FRS2: variants seen among roughly 807,000 people sequenced by gnomAD.
FRS2 encodes fibroblast growth factor receptor substrate 2.
Under a neutral mutation model 43.9 loss-of-function variants are expected in FRS2, and 8 were observed. That is an observed-to-expected ratio of 0.18 (90% CI 0.11 to 0.33). The LOEUF (loss-of-function observed/expected upper bound fraction) is 0.33, where lower values mean the gene tolerates loss of function less well. Among genes scored for constraint, FRS2 ranks in the 10% least tolerant of loss-of-function variants. FRS2 has a pLI of 1.00. For missense variants in FRS2, 534 were observed against 627.6 expected (o/e 0.85, Z 1.59); for synonymous variants, 219 against 220.3 (o/e 0.99, Z 0.05).
In FRS2 at chr12:69,470,650, A is replaced by G. The variant is rs940942352; in HGVS notation, c.-261+120A>G. On this transcript the variant is annotated intron_variant, in intron 1 of 8. Coordinates refer to ENST00000549921, the MANE Select transcript of FRS2 (RefSeq NM_001278356.2). ...GGGCTCGGCTGCCGGCGTCCGGGGAAGGGGATTGTCGACCGCCGCGGACTT... is the reference window on the plus strand; with the variant it reads ...GGGCTCGGCTGCCGGCGTCCGGGGAGGGGGATTGTCGACCGCCGCGGACTT... 1.8e-4 allele frequency: 29 copies of G among 164,668 alleles called. 1 individual carries two copies. Among genetic ancestry groups the G allele is most frequent in the Middle Eastern group, 4.8e-3 (2 of 418 alleles). 10.2% of individuals were successfully genotyped at this position (164,668 alleles called of 1,614,324 possible).
chr12:69,471,503 A>C (rs1362725599), intron 1 of FRS2, among the ~76,000 whole-genome samples: 1 of 152,240 alleles, frequency 6.6e-6, no homozygotes, highest in Non-Finnish European at 1.5e-5. Flanking sequence ...TTGTTGCTGC[A>C]ATGCAGAGTT....
intron 4 of FRS2, among the ~76,000 whole-genome samples, chr12:69,564,243 CTT>C (rs1235568923): frequency 3.5e-5 from 5 of 142,824 alleles, no homozygotes; most frequent in Admixed American, 7.1e-5. Context: ...CTATTCTGAT[CTT>C]TTTTTTTTTT....
chr12:69,478,178 G>A (rs1294810370), intron 1 of FRS2, among the ~76,000 whole-genome samples: 1 of 152,002 alleles, frequency 6.6e-6, no homozygotes, highest in African/African-American at 2.4e-5. Context: ...TAGTTTCATA[G>A]AAATAAAATG....
intron 1 of FRS2, among the ~76,000 whole-genome samples, chr12:69,490,753 G>A (rs1872405525): frequency 6.6e-6 from 1 of 152,102 alleles, no homozygotes; most frequent in African/African-American, 2.4e-5. Flanking sequence ...TTTGGTTGAT[G>A]CAAAGTTGCC....
In FRS2 at chr12:69,574,603, A is replaced by G. The variant is rs1881050632; in HGVS notation, c.1175A>G (p.Tyr392Cys). The change falls in exon 9 of 9, where the codon TAT (tyrosine) becomes TGT (cysteine). Residue 392 changes from tyrosine (Y) to cysteine (C), a missense_variant. Transcript: ENST00000549921. Reference protein sequence around the residue: ...YHNNLDPMHNYVNTENVTVPA... With the variant: ...YHNNLDPMHNCVNTENVTVPA... The stretch of plus-strand genomic sequence containing the variant: ...AATAATCTAGATCCAATGCATAACT[A>G]TGTAAATACAGAGAATGTAACAGTG... 5 of 1,613,942 alleles carry G rather than the reference A, an allele frequency of 3.1e-6. No homozygotes were observed. The highest frequency in any genetic ancestry group is 1.3e-5 in the African/African-American group (1 of 74,930).
intron 2 of FRS2, among the ~76,000 whole-genome samples, chr12:69,531,525 A>T (rs1876791053): frequency 6.6e-6 from 1 of 152,186 alleles, no homozygotes; most frequent in African/African-American, 2.4e-5. Context: ...GATTAAAAGT[A>T]TACCCTTCAG....
intron 1 of FRS2, among the ~76,000 whole-genome samples, chr12:69,520,927 A>C (rs1235702500): frequency 6.6e-6 from 1 of 152,088 alleles, no homozygotes; most frequent in Non-Finnish European, 1.5e-5. Flanking sequence ...GTTCCGTATA[A>C]ATTAAAAAAT....
intron 1 of FRS2, among the ~76,000 whole-genome samples, chr12:69,499,078 C>G (rs221107): frequency 0.093 from 14,203 of 152,100 alleles, 875 homozygotes; most frequent in Non-Finnish European, 0.14. Flanking sequence ...CCATGAAAAT[C>G]TATTATATTG....
intron 1 of FRS2, among the ~76,000 whole-genome samples, chr12:69,484,095 C>CTTTTTTTTTTTTTTTTTTT (rs368221087): frequency 6.7e-6 from 1 of 149,264 alleles, no homozygotes; most frequent in Non-Finnish European, 1.5e-5. Context: ...GCTTTTCTTT[C>CTTTTTTTTTTTTTTTTTTT]TTTTTTTTTG....
intron 3 of FRS2, among the ~76,000 whole-genome samples, chr12:69,557,619 T>TGTGTGTGTGTGTGTGCGCGCGCGCGC (rs1555192498): frequency 8.4e-6 from 1 of 118,966 alleles, no homozygotes; most frequent in Non-Finnish European, 1.9e-5. Context: ...TGTGTGTGTG[T>TGTGTGTGTGTGTGTGCGCGCGCGCGC]GCGCGCGCGC....
intron 1 of FRS2, among the ~76,000 whole-genome samples, chr12:69,516,221 A>T (rs1336126372): frequency 1.3e-4 from 18 of 143,074 alleles, no homozygotes; most frequent in African/African-American, 4.6e-4. Flanking sequence ...TATTATTACT[A>T]TTTTTTTTTT....
At chr12:69,557,619 T>TGTGCGTGC (rs1555192498) in intron 3 of FRS2, among the ~76,000 whole-genome samples, 1 of 118,966 alleles carries the variant, frequency 8.4e-6, no homozygotes, top group Non-Finnish European at 1.9e-5. Context: ...TGTGTGTGTG[T>TGTGCGTGC]GCGCGCGCGC....
chr12:69,530,130 GA>G (rs1402266444), intron 1 of FRS2, among the ~76,000 whole-genome samples: 8 of 152,060 alleles, frequency 5.3e-5, no homozygotes, highest in African/African-American at 1.9e-4. Flanking sequence ...GTTATAGGGG[GA>G]AAGTTGACAA....
chr12:69,470,404 G>A lies in FRS2; in HGVS notation c.-387G>A. 2.5e-6 allele frequency: 1 copy of A among 398,718 alleles called. No individual in the cohort carries two copies. The highest frequency in any genetic ancestry group is 4.4e-6 in the Non-Finnish European group (1 of 226,218). The allele number at this position is 398,718 out of a possible 1,614,324, so 24.7% of individuals were successfully genotyped here. On this transcript the variant is annotated 5_prime_UTR_variant, in exon 1 of 9. Coordinates refer to ENST00000549921, the MANE Select transcript of FRS2 (RefSeq NM_001278356.2). ...GTGCTTTTCCAAGATTCGGGCCGGAGAGAGGCCTTGTAGGCACAGCGGCTG... is the reference window on the plus strand; with the variant it reads ...GTGCTTTTCCAAGATTCGGGCCGGAAAGAGGCCTTGTAGGCACAGCGGCTG...
At chr12:69,485,431 C>G (rs992232261) in intron 1 of FRS2, among the ~76,000 whole-genome samples, 3 of 152,108 alleles carry the variant, frequency 2.0e-5, no homozygotes, top group African/African-American at 7.2e-5. Context: ...ATCCGCCCGC[C>G]TCGACCTTCC....
At chr12:69,571,139 A>G in intron 6 of FRS2, 137 bp from the exon 7 acceptor site, 2 of 565,366 alleles carry the variant, frequency 3.5e-6, no homozygotes, top group South Asian at 4.6e-5. Context: ...TCATTAATTT[A>G]TCAGATATTT....
intron 3 of FRS2, among the ~76,000 whole-genome samples, chr12:69,556,162 A>G (rs1436616708): frequency 1.3e-5 from 2 of 152,230 alleles, no homozygotes; most frequent in Non-Finnish European, 2.9e-5. Context: ...CAGTCTTCCA[A>G]AGTACTGGGA....
chr12:69,501,866 G>A (rs1171280742), intron 1 of FRS2, among the ~76,000 whole-genome samples: 1 of 152,104 alleles, frequency 6.6e-6, no homozygotes, highest in Admixed American at 6.5e-5. Context: ...TATTTTCCAG[G>A]TTACAAGCAT....
At chr12:69,536,101 C>CCTTTTTTTTTTTTTTTTT (rs1877251782) in intron 3 of FRS2, among the ~76,000 whole-genome samples, 5 of 37,176 alleles carry the variant, frequency 1.3e-4, no homozygotes, top group African/African-American at 3.6e-4. Context: ...TATTTTCATT[C>CCTTTTTTTTTTTTTTTTT]TTTTTTTTTT....
Sources: allele counts gnomAD v4.1 joint callset (sites outside exome capture counted in the v4.1 genomes callset), GRCh38; gene constraint gnomAD v4.1.1; transcripts MANE v1.5; gene names NCBI Gene and HGNC (gene_info 2026-07-23, HGNC 2026-07-21).